MICOS10: variants seen among roughly 807,000 people sequenced by gnomAD.
The protein encoded by MICOS10 is mitochondrial contact site and cristae organizing system subunit 10, also known as MICOS complex subunit MIC10.
A neutral mutation model predicts 13.4 loss-of-function variants in MICOS10; 5 were observed. The observed-to-expected ratio is 0.37, with a 90% CI of 0.20 to 0.78. The LOEUF is 0.78. Among genes scored for constraint, MICOS10 ranks in the 30% least tolerant of loss-of-function variants. The pLI is 0.47. For synonymous variants in MICOS10, 35 were observed against 33.6 expected (o/e 1.04, Z -0.15); for missense variants, 101 against 94.6 (o/e 1.07, Z -0.28).
At chr1:19,602,474 T>C (rs2094819025) in intron 1 of MICOS10, among the ~76,000 whole-genome samples, 3 of 152,204 alleles carry the variant, frequency 2.0e-5, no homozygotes, top group African/African-American at 7.2e-5. Context: ...AATAGTCAAC[T>C]GAGAAACATA....
chr1:19,623,142 C>T (rs565420205), intron 2 of MICOS10, among the ~76,000 whole-genome samples: 54 of 152,030 alleles, frequency 3.6e-4, no homozygotes, highest in Non-Finnish European at 5.9e-4. Context: ...AAGATGGTCT[C>T]GATCTCCTGA....
chr1:19,598,156 G>A (rs1558334942), intron 1 of MICOS10: 1 of 152,166 alleles, frequency 6.6e-6, no homozygotes, highest in Non-Finnish European at 1.5e-5. Context: ...GTCAATAAAT[G>A]AAACAGTTTA....
intron 1 of MICOS10, among the ~76,000 whole-genome samples, chr1:19,599,441 C>T (rs1169546190): frequency 6.6e-6 from 1 of 152,090 alleles, no homozygotes; most frequent in Non-Finnish European, 1.5e-5. Flanking sequence ...ATGCGTAGAA[C>T]GTTGATAGGG....
chr1:19,622,856 A>C (rs1171218597), intron 2 of MICOS10, among the ~76,000 whole-genome samples: 1 of 151,968 alleles, frequency 6.6e-6, no homozygotes, highest in Non-Finnish European at 1.5e-5. Context: ...AGTTAAACTG[A>C]GCAGATGATT....
chr1:19,604,370 G>A lies in MICOS10; in HGVS notation c.64+7261G>A, dbSNP rs894464070. ...TAGACATACAAAAAATTAGCCAGGTGTGGTGGTACGCACCTGTAGTCCCAG... is the reference window on the plus strand; with the variant it reads ...TAGACATACAAAAAATTAGCCAGGTATGGTGGTACGCACCTGTAGTCCCAG... On this transcript the variant is annotated intron_variant, in intron 1 of 3. Transcript: ENST00000322753. Among the ~76,000 whole-genome samples, 7 of 152,246 alleles carry A rather than the reference G, an allele frequency of 4.6e-5. No homozygotes were observed. In the East Asian group the frequency reaches 1.2e-3, roughly 25 times the overall value.
intron 1 of MICOS10, among the ~76,000 whole-genome samples, chr1:19,615,869 G>C (rs1349737386): frequency 6.6e-6 from 1 of 151,632 alleles, no homozygotes; most frequent in African/African-American, 2.4e-5. Flanking sequence ...TCAAGTCAGT[G>C]TGTGTAAGGG....
chr1:19,613,030 C>T (rs1032373460), intron 1 of MICOS10, among the ~76,000 whole-genome samples: 1 of 152,186 alleles, frequency 6.6e-6, no homozygotes, highest in Non-Finnish European at 1.5e-5. Flanking sequence ...CTGGTCAAAC[C>T]CTTGCCTTTG....
intron 1 of MICOS10, among the ~76,000 whole-genome samples, chr1:19,615,869 G>A (rs1349737386): frequency 6.6e-6 from 1 of 151,632 alleles, no homozygotes; most frequent in Non-Finnish European, 1.5e-5. Context: ...TCAAGTCAGT[G>A]TGTGTAAGGG....
intron 3 of MICOS10, 145 bp downstream of exon 3, chr1:19,623,728 C>G (rs2094912217): frequency 3.3e-6 from 2 of 606,716 alleles, no homozygotes; most frequent in Non-Finnish European, 2.9e-6. Flanking sequence ...CTTTGGCCTT[C>G]AGTGATGTCA....
At chr1:19,624,341 C>T (rs934532207) in intron 3 of MICOS10, among the ~76,000 whole-genome samples, 2 of 151,800 alleles carry the variant, frequency 1.3e-5, no homozygotes, top group Non-Finnish European at 2.9e-5. Context: ...GGTGGGAGTG[C>T]AGTGGCACAA....
chr1:19,602,748 A>G (rs1442640348), intron 1 of MICOS10, among the ~76,000 whole-genome samples: 1 of 152,194 alleles, frequency 6.6e-6, no homozygotes, highest in East Asian at 1.9e-4. Context: ...TTTTCCTTGT[A>G]TGTATGGGTA....
chr1:19,599,768 C>CT (rs1211065157), intron 1 of MICOS10, among the ~76,000 whole-genome samples: 1 of 152,100 alleles, frequency 6.6e-6, no homozygotes. Context: ...CCCAGGCATC[C>CT]TAATTTCAGT....
At chr1:19,626,311 G>T in intron 3 of MICOS10, 76 bp from the exon 4 acceptor site, 1 of 1,595,324 alleles carries the variant, frequency 6.3e-7, no homozygotes, top group South Asian at 1.1e-5. Flanking sequence ...CTTTGGGTCT[G>T]ACCTGATACA....
intron 1 of MICOS10, among the ~76,000 whole-genome samples, chr1:19,604,402 G>A (rs1570469375): frequency 6.6e-6 from 1 of 152,112 alleles, no homozygotes; most frequent in Admixed American, 6.6e-5. Flanking sequence ...CCAGCTACTC[G>A]AGAAGCTGAG....
chr1:19,600,890 C>T (rs1177711912), intron 1 of MICOS10: 1 of 1,289,338 alleles, frequency 7.8e-7, no homozygotes, highest in East Asian at 5.5e-5. Context: ...CATGAGCCAC[C>T]ACACCTGGTC....
intron 1 of MICOS10, among the ~76,000 whole-genome samples, chr1:19,617,735 CGATT>C (rs1481125591): frequency 6.6e-6 from 1 of 152,006 alleles, no homozygotes; most frequent in African/African-American, 2.4e-5. Context: ...GACAGAAACA[CGATT>C]GAACAGGAAG....
At chr1:19,609,573 G>A (rs2094850878) in intron 1 of MICOS10, among the ~76,000 whole-genome samples, 1 of 152,206 alleles carries the variant, frequency 6.6e-6, no homozygotes, top group Admixed American at 6.5e-5. Context: ...TAAAAAACTG[G>A]AAACAACTGA....
Position 19,626,369 on chromosome 1 carries a change from A to C in MICOS10, c.223-18A>C. ...ATGCCGTCTGCACAGTTTTAAGCTG[A>C]ATGTCCTTGCTTTACAGGAGCAGGA... On this transcript the variant is annotated intron_variant, in intron 3 of 3. Coordinates refer to ENST00000322753, the MANE Select transcript of MICOS10 (RefSeq NM_001032363.4). 6.2e-7 allele frequency: 1 copy of C among 1,613,962 alleles called. No individual in the cohort carries two copies. The highest frequency in any genetic ancestry group is 8.5e-7 in the Non-Finnish European group (1 of 1,179,858).
intron 1 of MICOS10, among the ~76,000 whole-genome samples, chr1:19,620,088 A>G (rs2094897927): frequency 6.6e-6 from 1 of 152,236 alleles, no homozygotes; most frequent in Admixed American, 6.5e-5. Flanking sequence ...AATGCTTTGT[A>G]CTTTTTCCTT....
Sources: gnomAD v4.1 joint callset for allele counts (sites outside exome capture counted in the v4.1 genomes callset) on GRCh38, gnomAD v4.1.1 for gene constraint, MANE v1.5 for transcripts, NCBI Gene and HGNC (gene_info 2026-07-23, HGNC 2026-07-21) for gene names.